SPATA22: variants seen among roughly 807,000 people sequenced by gnomAD.
SPATA22 encodes spermatogenesis-associated protein 22.
In SPATA22, 29 loss-of-function variants were observed where a neutral mutation model predicts 47.8. The observed-to-expected ratio is 0.61, with a 90% CI of 0.45 to 0.83. SPATA22 has a LOEUF of 0.83. Ranked by LOEUF, SPATA22 falls within the 40% of genes least tolerant of loss-of-function variation. SPATA22 has a pLI of 0.00. For synonymous variants in SPATA22, 133 were observed against 140.9 expected, an observed-to-expected ratio of 0.94 and a Z score of 0.40; for missense variants, 410 against 421.7, an observed-to-expected ratio of 0.97 and a Z score of 0.24.
chr17:3,442,273 A>G (rs188094233), intron 8 of SPATA22, among the ~76,000 whole-genome samples: 358 of 152,106 alleles, frequency 2.4e-3, no homozygotes, highest in Non-Finnish European at 4.1e-3. Flanking sequence ...ATGTTTCATC[A>G]TTTAATCCCC....
Position 3,453,057 on chromosome 17 carries a change from C to T in SPATA22, c.330-3908G>A, listed in dbSNP as rs528661254. 2.0e-5 allele frequency among the ~76,000 whole-genome samples: 3 copies of T among 152,304 alleles called. No homozygotes were observed. The South Asian group carries it at 6.2e-4, about 32-fold the overall frequency. ...ACTAGCATCACTCTGATATCAAAAT[C>T]AAACAAAGACACTGCTAGAAAACTA... On this transcript the variant is annotated intron_variant, in intron 5 of 8. Transcript: ENST00000572969.
chr17:3,475,759 AT>A (rs1190598600), upstream of SPATA22: 1 of 200,576 alleles, frequency 5.0e-6, no homozygotes, highest in African/African-American at 2.3e-5. Flanking sequence ...CGTATAAACT[AT>A]TTTTATTATT....
At chr17:3,463,518 G>A (rs909426739) in intron 3 of SPATA22, among the ~76,000 whole-genome samples, 1 of 152,110 alleles carries the variant, frequency 6.6e-6, no homozygotes, top group Non-Finnish European at 1.5e-5. Context: ...ACCTAAGAGG[G>A]CACTTACCAT....
chr17:3,463,643 C>T (rs138415439), intron 3 of SPATA22, among the ~76,000 whole-genome samples: 135 of 146,478 alleles, frequency 9.2e-4, no homozygotes, highest in African/African-American at 3.2e-3. Context: ...ACACACCATA[C>T]ATTTAGGCTA....
At chr17:3,453,561 A>C (rs2072912640) in intron 5 of SPATA22, among the ~76,000 whole-genome samples, 2 of 152,156 alleles carry the variant, frequency 1.3e-5, no homozygotes, top group Admixed American at 1.3e-4. Flanking sequence ...GAAAACTGAA[A>C]GTTTTTTTTC....
At chr17:3,494,019 T>G (rs2150758609) in intron 1 of SPATA22, among the ~76,000 whole-genome samples, 1 of 139,792 alleles carries the variant, frequency 7.2e-6, no homozygotes, top group East Asian at 2.1e-4. Context: ...CTTACATTGT[T>G]AACTTCCCTT....
intron 1 of SPATA22, among the ~76,000 whole-genome samples, chr17:3,508,058 G>T (rs1466058659): frequency 6.6e-6 from 1 of 152,110 alleles, no homozygotes; most frequent in Non-Finnish European, 1.5e-5. Context: ...GTTATTCTGG[G>T]AATCATCTGA....
chr17:3,464,512 C>T (rs1271936987), intron 3 of SPATA22, among the ~76,000 whole-genome samples: 2 of 131,840 alleles, frequency 1.5e-5, no homozygotes, highest in African/African-American at 2.6e-5. Context: ...TCTGCCCGGC[C>T]GCCGTCCCAT....
chr17:3,487,898 A>G (rs1240279246), intron 1 of SPATA22, among the ~76,000 whole-genome samples: 2 of 152,228 alleles, frequency 1.3e-5, no homozygotes, highest in Non-Finnish European at 2.9e-5. Flanking sequence ...ATCTACAAAC[A>G]CACTTTTTCA....
At chr17:3,462,788 T>C (rs764494590) in intron 3 of SPATA22, 21 bp from the exon 4 acceptor site, 6 of 1,553,168 alleles carry the variant, frequency 3.9e-6, no homozygotes, top group East Asian at 4.5e-5. Flanking sequence ...ATAAGTAACA[T>C]AGATAAAAGT....
rs2074034272 is a variant in SPATA22 at position 3,505,731 on chromosome 17, G to C, written c.-74+7681C>G. 4.8e-5 allele frequency among the ~76,000 whole-genome samples: 4 copies of C among 82,560 alleles called. No homozygotes were observed. In the South Asian group the frequency reaches 1.5e-3, roughly 31 times the overall value. The allele number at this position is 82,560 out of a possible 152,430, so 54.2% of individuals were successfully genotyped here. On this transcript the variant is annotated intron_variant, in intron 1 of 8. Coordinates refer to the SPATA22 transcript ENST00000541913. Reference sequence around the variant, plus strand: ...TCTGGAGGGAAATAGCTGCTTAGGGGTTTTTTGTTTGTTTGTTGTTTTTTG... The same window carrying C: ...TCTGGAGGGAAATAGCTGCTTAGGGCTTTTTTGTTTGTTTGTTGTTTTTTG...
Position 3,492,875 on chromosome 17 carries a change from C to T in SPATA22, c.-74+20537G>A, listed in dbSNP as rs373590332. Among the ~76,000 whole-genome samples, 14 of 152,090 alleles carry T rather than the reference C, an allele frequency of 9.2e-5. No individual in the cohort carries two copies. In the South Asian group the frequency reaches 1.0e-3, roughly 11 times the overall value. The stretch of plus-strand genomic sequence containing the variant: ...AAAAAATCCACAAAGCCAGTGTAGA[C>T]GGAAGAAACTTTCCAACCAACCCAC... On this transcript the variant is annotated intron_variant, in intron 1 of 8. Coordinates refer to the SPATA22 transcript ENST00000541913.
intron 1 of SPATA22, chr17:3,494,540 T>A: frequency 1.8e-6 from 2 of 1,133,192 alleles, no homozygotes; most frequent in Non-Finnish European, 2.7e-6. Flanking sequence ...ATACAGCACT[T>A]CGCGTACATT....
At position 3,490,541 on chromosome 17, in the gene SPATA22, G is replaced by GCA. The variant is rs2073807591; in HGVS notation, c.-73-21145_-73-21144dup. ...TGAATTCCTCAACCTCAGATCGTGC[G>GCA]CACCCCACTGCAATCACAGACATTC... On this transcript the variant is annotated intron_variant, in intron 1 of 8. Coordinates refer to the SPATA22 transcript ENST00000541913. This position sits in a 1 kb window ranked among gnomAD's most constrained non-coding sequence, Gnocchi z 4.6. 6.9e-6 allele frequency among the ~76,000 whole-genome samples: 1 copy of GCA among 145,774 alleles called. No homozygotes were observed. The highest frequency in any genetic ancestry group is 2.5e-5 in the African/African-American group (1 of 39,802).
chr17:3,459,326 T>C (rs185247744), intron 5 of SPATA22, among the ~76,000 whole-genome samples: 3 of 152,336 alleles, frequency 2.0e-5, no homozygotes, highest in Admixed American at 6.5e-5. Flanking sequence ...GATATGTTAA[T>C]TAGCTTGACT....
chr17:3,508,476 A>G (rs991330871), intron 1 of SPATA22, among the ~76,000 whole-genome samples: 6 of 150,910 alleles, frequency 4.0e-5, no homozygotes, highest in Non-Finnish European at 5.9e-5. Context: ...CACTATTCAC[A>G]ACAGCAAAGA....
At position 3,467,425 on chromosome 17, in the gene SPATA22, C is replaced by T. The variant is rs2073338676; in HGVS notation, c.172+1G>A. ...AATTTTTACCTTATTAATTTTCTTA[C>T]CTGTAGGTAGAGGAGGAAAATCATA... On this transcript the variant is annotated splice_donor_variant, in intron 3 of 8. Coordinates refer to ENST00000572969, the MANE Select transcript of SPATA22 (RefSeq NM_001170698.2). LOFTEE classifies it high-confidence loss of function. The T allele has an allele frequency of 1.3e-6, 2 of 1,584,338 alleles. No homozygotes were observed. Among genetic ancestry groups the T allele is most frequent in the Admixed American group, 1.8e-5 (1 of 56,186 alleles).
intron 7 of SPATA22, among the ~76,000 whole-genome samples, chr17:3,445,150 AT>A (rs2072699477): frequency 6.6e-6 from 1 of 152,092 alleles, no homozygotes; most frequent in Admixed American, 6.6e-5. Flanking sequence ...GGAAAAAGCA[AT>A]TTAGTGGGAA....
At chr17:3,507,683 A>G (rs1484562871) in intron 1 of SPATA22, among the ~76,000 whole-genome samples, 1 of 152,152 alleles carries the variant, frequency 6.6e-6, no homozygotes, top group Admixed American at 6.5e-5. Context: ...CGATTTCCCT[A>G]CCTATTAAAC....
Sources: allele counts gnomAD v4.1 joint callset (sites outside exome capture counted in the v4.1 genomes callset), GRCh38; gene constraint gnomAD v4.1.1; non-coding constraint Gnocchi (gnomAD v3.1); transcripts MANE v1.5; gene names NCBI Gene and HGNC (gene_info 2026-07-23, HGNC 2026-07-21).